Variants in MNS1 observed in about 807,000 individuals in gnomAD.
MNS1 encodes meiosis specific nuclear structural 1.
A neutral mutation model predicts 72.0 loss-of-function variants in MNS1; 63 were observed. The ratio of observed to expected loss-of-function variants is 0.87; its 90% CI spans 0.71 to 1.08. The LOEUF is 1.08. Among genes scored for constraint, MNS1 ranks in the 50% least tolerant of loss-of-function variants. The pLI is 0.00. For synonymous variants in MNS1, 188 were observed against 172.1 expected, an observed-to-expected ratio of 1.09 and a Z score of -0.72; for missense variants, 604 against 562.4, an observed-to-expected ratio of 1.07 and a Z score of -0.75.
chr15:56,430,340 G>A (rs2050550735), intron 9 of MNS1, among the ~76,000 whole-genome samples: 1 of 152,118 alleles, frequency 6.6e-6, no homozygotes, highest in African/African-American at 2.4e-5. Context: ...CAGAGTATCT[G>A]GGACTACAGG....
intron 8 of MNS1, among the ~76,000 whole-genome samples, chr15:56,432,914 C>A (rs954641701): frequency 6.6e-6 from 1 of 152,118 alleles, no homozygotes; most frequent in Non-Finnish European, 1.5e-5. Flanking sequence ...CTCTTCCTAC[C>A]GATTTTCAAA....
At chr15:56,456,874 T>C (rs1338043919) in intron 2 of MNS1, among the ~76,000 whole-genome samples, 1 of 152,166 alleles carries the variant, frequency 6.6e-6, no homozygotes, top group Non-Finnish European at 1.5e-5. Context: ...CTAGACATCA[T>C]GTCACTTACC....
At chr15:56,445,291 C>G (rs1401687184) in intron 4 of MNS1, among the ~76,000 whole-genome samples, 1 of 151,972 alleles carries the variant, frequency 6.6e-6, no homozygotes, top group African/African-American at 2.4e-5. Flanking sequence ...TGTCAAGAGA[C>G]AATCTTTCTT....
chr15:56,461,680 A>C (rs2051022023), intron 2 of MNS1, among the ~76,000 whole-genome samples: 1 of 151,242 alleles, frequency 6.6e-6, no homozygotes, highest in Non-Finnish European at 1.5e-5. Context: ...AAAAAAAAAA[A>C]AACGACACAG....
chr15:56,443,018 G>A (rs1418723036), intron 7 of MNS1, among the ~76,000 whole-genome samples: 1 of 151,946 alleles, frequency 6.6e-6, no homozygotes, highest in South Asian at 2.1e-4. Context: ...AGGTTCACAC[G>A]CCTTTAGGAC....
At chr15:56,456,168 C>T (rs1224965037) in intron 3 of MNS1, among the ~76,000 whole-genome samples, 4 of 152,026 alleles carry the variant, frequency 2.6e-5, no homozygotes, top group African/African-American at 9.7e-5. Context: ...AAGGAAAGAG[C>T]AGGGGGACTG....
Position 56,464,037 on chromosome 15 carries a change from C to T in MNS1, c.214G>A (p.Ala72Thr). The change falls in exon 2 of 10, where the codon GCC (alanine) becomes ACC (threonine). Residue 72 changes from alanine (A) to threonine (T), a missense_variant. Transcript: ENST00000260453. Reference sequence around the variant, plus strand: ...ATAGTAAAACTTACCTTTTGAATGGCCTCTTCCATATCCAACTCAAATTGT... The same window carrying T: ...ATAGTAAAACTTACCTTTTGAATGGTCTCTTCCATATCCAACTCAAATTGT... ...NEQFELDMEE[A>T]IQKAEENKRL... is the part of the protein sequence containing the mutation. The T allele has an allele frequency of 6.2e-7, 1 of 1,609,088 alleles. No individual in the cohort carries two copies. Among genetic ancestry groups the T allele is most frequent in the Non-Finnish European group, 8.5e-7 (1 of 1,178,264 alleles).
At chr15:56,430,469 G>T (rs1417234780) in intron 9 of MNS1, among the ~76,000 whole-genome samples, 1 of 152,156 alleles carries the variant, frequency 6.6e-6, no homozygotes, top group Non-Finnish European at 1.5e-5. Flanking sequence ...GCCTCCCAAA[G>T]TGCTGGGATT....
At position 56,434,136 on chromosome 15, in the gene MNS1, A is replaced by C; in HGVS notation, c.1269+2T>G. The C allele has an allele frequency of 6.2e-7, 1 of 1,605,802 alleles. No individual in the cohort carries two copies. Among genetic ancestry groups the C allele is most frequent in the Non-Finnish European group, 8.5e-7 (1 of 1,177,012 alleles). ...CAAAAAAACCCCACAACTTTTTCTT[A>C]CTTTGTCTGCAAGGAATTGTTGGCG... On this transcript the variant is annotated splice_donor_variant, in intron 8 of 9. Coordinates refer to ENST00000260453, the MANE Select transcript of MNS1 (RefSeq NM_018365.4). LOFTEE classifies it high-confidence loss of function.
chr15:56,435,029 A>G (rs2140332424), intron 7 of MNS1, among the ~76,000 whole-genome samples: 1 of 152,230 alleles, frequency 6.6e-6, no homozygotes, highest in South Asian at 2.1e-4. Flanking sequence ...ATATAATTTT[A>G]CAATGGTCAC....
chr15:56,439,179 G>A (rs544245435), intron 7 of MNS1, among the ~76,000 whole-genome samples: 6 of 152,042 alleles, frequency 3.9e-5, no homozygotes, highest in Non-Finnish European at 7.4e-5. Flanking sequence ...TTCCATTTAC[G>A]ATTGCTCAAA....
intron 2 of MNS1, among the ~76,000 whole-genome samples, chr15:56,461,249 C>T (rs2051018658): frequency 6.6e-6 from 1 of 151,996 alleles, no homozygotes; most frequent in African/African-American, 2.4e-5. Flanking sequence ...GATGTTTTAT[C>T]AAATACCTAG....
chr15:56,459,225 T>C (rs1435549321), intron 2 of MNS1, among the ~76,000 whole-genome samples: 1 of 152,266 alleles, frequency 6.6e-6, no homozygotes, highest in African/African-American at 2.4e-5. Context: ...TGGCCTTTTG[T>C]ATCTGGTTTA....
Position 56,444,568 on chromosome 15 carries a change from A to G in MNS1, c.562T>C (p.Tyr188His). 6.2e-7 allele frequency: 1 copy of G among 1,612,986 alleles called. No individual in the cohort carries two copies. The highest frequency in any genetic ancestry group is 8.5e-7 in the Non-Finnish European group (1 of 1,179,508). The change falls in exon 5 of 10, where the codon TAT becomes CAT. Residue 188 changes from tyrosine to histidine, a missense_variant. Coordinates refer to ENST00000260453, the MANE Select transcript of MNS1 (RefSeq NM_018365.4). ...DKRNKAKAQY[Y>H]LDLEKQLEEQ... ...TCAAGTTGTTTCTCTAAGTCAAGAT[A>G]GTACTGTGCTTTCGCTTTGTTTCGT...
chr15:56,457,324 C>T (rs182702096), intron 2 of MNS1, among the ~76,000 whole-genome samples: 1 of 152,124 alleles, frequency 6.6e-6, no homozygotes, highest in East Asian at 1.9e-4. Flanking sequence ...CTAATAAAAA[C>T]ACATGAAAAG....
intron 4 of MNS1, among the ~76,000 whole-genome samples, chr15:56,446,199 A>G (rs186322972): frequency 6.6e-6 from 1 of 152,184 alleles, no homozygotes; most frequent in East Asian, 1.9e-4. Context: ...GTATGTGTAT[A>G]TAAACATTCA....
rs769278443 is a variant in MNS1, at chr15:56,456,528, G to A, written c.226-7C>T. The A allele has an allele frequency of 2.7e-5, 44 of 1,604,280 alleles. No individual in the cohort carries two copies. Among genetic ancestry groups the A allele is most frequent in the South Asian group, 3.4e-5 (3 of 88,024 alleles). On this transcript the variant is annotated splice_region_variant and splice_polypyrimidine_tract_variant and intron_variant, in intron 2 of 9. Transcript: ENST00000260453. ...ATCTCTTGTTTTCTTCTGCCTGAAC[G>A]AAAAATTTAACTTCGTTGTTTGTCC... is the stretch of plus-strand genomic sequence containing the variant.
chr15:56,452,926 T>A (rs949836336), intron 3 of MNS1, among the ~76,000 whole-genome samples: 4 of 152,150 alleles, frequency 2.6e-5, no homozygotes, highest in African/African-American at 9.7e-5. Context: ...AAGACCAAAC[T>A]TGCAAGGAGG....
In MNS1 at chr15:56,446,941, A is replaced by AT. The variant is rs1276350303; in HGVS notation, c.355dup (p.Ile119AsnfsTer2). On this transcript the variant is annotated frameshift_variant and splice_region_variant, in exon 4 of 10. Coordinates refer to ENST00000260453, the MANE Select transcript of MNS1 (RefSeq NM_018365.4). LOFTEE classifies it high-confidence loss of function. The stretch of plus-strand genomic sequence containing the variant: ...TTTCTTCTCCAATTCTCTAAGCTCA[A>AT]TGCTGTTTAAAAAAACAAAAACAAA... 1 of 1,604,386 alleles carries AT rather than the reference A, an allele frequency of 6.2e-7. No individual in the cohort carries two copies. The highest frequency in any genetic ancestry group is 8.5e-7 in the Non-Finnish European group (1 of 1,176,846).
Sources: allele counts gnomAD v4.1 joint callset (sites outside exome capture counted in the v4.1 genomes callset), GRCh38; gene constraint gnomAD v4.1.1; transcripts MANE v1.5; gene names NCBI Gene and HGNC (gene_info 2026-07-23, HGNC 2026-07-21).